BABAM2: variants seen among roughly 807,000 people sequenced by gnomAD.
BABAM2 encodes BRISC and BRCA1 A complex member 2.
In BABAM2, 31 loss-of-function variants were observed where a neutral mutation model predicts 54.7. The observed-to-expected ratio is 0.57, with a 90% CI of 0.43 to 0.77. BABAM2 has a LOEUF of 0.77. Among genes scored for constraint, BABAM2 ranks in the 30% least tolerant of loss-of-function variants. The pLI is 0.00. For missense variants in BABAM2, 364 were observed against 455.8 expected (o/e 0.80, Z 1.83); for synonymous variants, 167 against 162.9 (o/e 1.03, Z -0.19).
At chr2:28,092,965 A>T (rs1666289050) in intron 6 of BABAM2, among the ~76,000 whole-genome samples, 1 of 152,104 alleles carries the variant, frequency 6.6e-6, no homozygotes, top group South Asian at 2.1e-4. Flanking sequence ...TGCTGGTGTT[A>T]TCTTCAGATC....
At chr2:27,966,094 C>T (rs1670822686) in intron 3 of BABAM2, among the ~76,000 whole-genome samples, 1 of 152,090 alleles carries the variant, frequency 6.6e-6, no homozygotes, top group African/African-American at 2.4e-5. Flanking sequence ...TGGTTTCTGG[C>T]AAAGACTATC....
At chr2:27,941,557 A>G (rs1262381712) in intron 3 of BABAM2, among the ~76,000 whole-genome samples, 1 of 148,578 alleles carries the variant, frequency 6.7e-6, no homozygotes, top group Admixed American at 6.7e-5. Context: ...CTCCGTCTCA[A>G]AAAAAAAAAA....
At chr2:28,184,719 T>C (rs1676093749) in intron 7 of BABAM2, among the ~76,000 whole-genome samples, 2 of 152,268 alleles carry the variant, frequency 1.3e-5, no homozygotes, top group South Asian at 4.1e-4. Flanking sequence ...ATCCAGTCTA[T>C]CATTGATGGA....
At chr2:27,898,310 A>C (rs1289496334) in intron 2 of BABAM2, among the ~76,000 whole-genome samples, 2 of 152,062 alleles carry the variant, frequency 1.3e-5, no homozygotes, top group Non-Finnish European at 2.9e-5. Flanking sequence ...GACCTAGCCT[A>C]TCTTGCATTT....
chr2:28,082,413 C>T (rs1385032112), intron 6 of BABAM2, among the ~76,000 whole-genome samples: 2 of 152,204 alleles, frequency 1.3e-5, no homozygotes, highest in African/African-American at 4.8e-5. Context: ...TGCTTAAGAA[C>T]AGCAAGGGCT....
chr2:28,249,191 C>T (rs1250161282), intron 10 of BABAM2, among the ~76,000 whole-genome samples: 1 of 151,174 alleles, frequency 6.6e-6, no homozygotes, highest in African/African-American at 2.4e-5. Flanking sequence ...TGAGTTCAAG[C>T]GTTTCTTCTG....
chr2:28,034,167 CAA>C (rs1676494432), intron 5 of BABAM2, among the ~76,000 whole-genome samples: 1 of 152,250 alleles, frequency 6.6e-6, no homozygotes, highest in South Asian at 2.1e-4. Context: ...AGTATCTGAG[CAA>C]TGTTTGAGTG....
chr2:27,991,384 A>T (rs1485559107), intron 4 of BABAM2, among the ~76,000 whole-genome samples: 1 of 152,220 alleles, frequency 6.6e-6, no homozygotes, highest in Non-Finnish European at 1.5e-5. Context: ...TTTAAGTAAC[A>T]GCTTTATTGA....
intron 3 of BABAM2, among the ~76,000 whole-genome samples, chr2:27,933,709 T>A (rs1263647972): frequency 6.6e-6 from 1 of 151,398 alleles, no homozygotes; most frequent in Admixed American, 6.6e-5. Context: ...ATCATCTGCC[T>A]GCTTCAGCCT....
chr2:28,158,065 A>G (rs2147800905), intron 7 of BABAM2, among the ~76,000 whole-genome samples: 1 of 152,314 alleles, frequency 6.6e-6, no homozygotes, highest in East Asian at 1.9e-4. Context: ...ACTATTTAAA[A>G]AACTGGAATG....
chr2:28,016,903 C>G (rs1354283802), intron 4 of BABAM2, among the ~76,000 whole-genome samples: 1 of 152,064 alleles, frequency 6.6e-6, no homozygotes, highest in African/African-American at 2.4e-5. Context: ...AAGTTAAAAC[C>G]ATAAGGGATG....
At chr2:28,128,693 T>C (rs1482167810) in intron 6 of BABAM2, among the ~76,000 whole-genome samples, 1 of 152,244 alleles carries the variant, frequency 6.6e-6, no homozygotes, top group African/African-American at 2.4e-5. Flanking sequence ...TATAGTGTTC[T>C]TATAACTAGA....
intron 7 of BABAM2, among the ~76,000 whole-genome samples, chr2:28,160,737 T>G: frequency 8.8e-6 from 1 of 114,106 alleles, no homozygotes; most frequent in Non-Finnish European, 1.8e-5. Flanking sequence ...TATAAATTGT[T>G]TTTTTTTTTT....
At chr2:28,246,368 G>A (rs1573922711) in intron 10 of BABAM2, among the ~76,000 whole-genome samples, 1 of 152,220 alleles carries the variant, frequency 6.6e-6, no homozygotes, top group Non-Finnish European at 1.5e-5. Context: ...TTTACCTTAC[G>A]ACCTTGGTCC....
At chr2:28,030,694 A>G (rs774196549) in intron 5 of BABAM2, among the ~76,000 whole-genome samples, 28 of 152,160 alleles carry the variant, frequency 1.8e-4, no homozygotes, top group Non-Finnish European at 1.2e-4. Flanking sequence ...TTGAGCCAAG[A>G]TTTTTTTGAA....
At chr2:28,142,821 T>C (rs1343950424) in intron 7 of BABAM2, among the ~76,000 whole-genome samples, 1 of 152,184 alleles carries the variant, frequency 6.6e-6, no homozygotes, top group Admixed American at 6.5e-5. Flanking sequence ...TTAACTATAA[T>C]ATCATCATAT....
chr2:28,171,172 T>A (rs1294688219), intron 7 of BABAM2, among the ~76,000 whole-genome samples: 1 of 152,096 alleles, frequency 6.6e-6, no homozygotes, highest in East Asian at 1.9e-4. Context: ...ATTCACTAGT[T>A]GGTTATAACA....
At chr2:27,948,513 G>A (rs1411661506) in intron 3 of BABAM2, among the ~76,000 whole-genome samples, 1 of 152,214 alleles carries the variant, frequency 6.6e-6, no homozygotes, top group Admixed American at 6.5e-5. Flanking sequence ...GCTCACGCCT[G>A]TAATCACAGT....
chr2:28,244,738 G>C (rs1682759917), intron 9 of BABAM2, 42 bp from the exon 10 acceptor site: 1 of 1,545,792 alleles, frequency 6.5e-7, no homozygotes, highest in African/African-American at 1.4e-5. Context: ...TTAATTTTAT[G>C]AGGGTTTTTT....
Sources: allele counts gnomAD v4.1 joint callset (sites outside exome capture counted in the v4.1 genomes callset), GRCh38; gene constraint gnomAD v4.1.1; transcripts MANE v1.5; gene names NCBI Gene and HGNC (gene_info 2026-07-23, HGNC 2026-07-21).